The following USP44 variants were observed in gnomAD, a reference collection of about 807,000 sequenced individuals.
The protein encoded by USP44 is ubiquitin specific peptidase 44, also known as ubiquitin carboxyl-terminal hydrolase 44.
A neutral mutation model predicts 69.0 loss-of-function variants in USP44; 61 were observed. That is an observed-to-expected ratio of 0.88 (90% confidence interval 0.72 to 1.09). The LOEUF (loss-of-function observed/expected upper bound fraction) is 1.09, where lower values mean the gene tolerates loss of function less well. Among genes scored for constraint, USP44 ranks in the 50% least tolerant of loss-of-function variants. The pLI, the probability that USP44 is intolerant of heterozygous loss-of-function variation, is 0.00. For synonymous variants in USP44, 297 were observed against 295.4 expected, an observed-to-expected ratio of 1.01 and a Z score of -0.06; for missense variants, 753 against 849.9, an observed-to-expected ratio of 0.89 and a Z score of 1.42.
chr12:95,542,277 C>T (rs1420490605), intron 1 of USP44, among the ~76,000 whole-genome samples: 4 of 152,180 alleles, frequency 2.6e-5, no homozygotes, highest in Non-Finnish European at 4.4e-5. Flanking sequence ...CCTTACTTTG[C>T]CACCTAACTG....
intron 1 of USP44, among the ~76,000 whole-genome samples, chr12:95,538,266 G>C: frequency 6.6e-6 from 1 of 152,160 alleles, no homozygotes; most frequent in Non-Finnish European, 1.5e-5. Context: ...TAAAGTAACA[G>C]TGGTAATAAT....
At chr12:95,519,432 ATTTTTTTTTTTT>A (rs60940181) in intron 5 of USP44, among the ~76,000 whole-genome samples, 2 of 84,544 alleles carry the variant, frequency 2.4e-5, no homozygotes, top group East Asian at 3.5e-4. Context: ...CTCAATCTGT[ATTTTTTTTTTTT>A]TTTTTTTTTT....
At chr12:95,529,766 T>C (rs2076962438) in intron 2 of USP44, among the ~76,000 whole-genome samples, 1 of 152,124 alleles carries the variant, frequency 6.6e-6, no homozygotes, top group Non-Finnish European at 1.5e-5. Context: ...CCAAATCCTA[T>C]AACCTCTTAA....
chr12:95,518,260 CGTT>C lies in USP44; in HGVS notation c.2030_2032del (p.Gln677del), dbSNP rs1353173870. 1.2e-6 allele frequency: 2 copies of C among 1,614,094 alleles called. No homozygotes were observed. The highest frequency in any genetic ancestry group is 1.3e-5 in the African/African-American group (1 of 75,020). ...TTTAGAATGTCCATTCTCAGTAACT[CGTT>C]GGGTATAAAACAAGATATAAGCTTG... On this transcript the variant is annotated inframe_deletion, in exon 6 of 6. Coordinates refer to ENST00000258499, the MANE Select transcript of USP44 (RefSeq NM_032147.5).
In USP44 at chr12:95,524,695, T is replaced by C. The variant is rs2076778556; in HGVS notation, c.1718A>G (p.His573Arg). 2 of 1,611,396 alleles carry C rather than the reference T, an allele frequency of 1.2e-6. No homozygotes were observed. The highest frequency in any genetic ancestry group is 2.2e-5 in the East Asian group (1 of 44,716). Residue 573 changes from histidine (H) to arginine (R), a missense_variant, in exon 4 of 6, where the codon CAC (histidine) becomes CGC (arginine). By Grantham distance (29) the His-to-Arg change is conservative. Coordinates refer to ENST00000258499, the MANE Select transcript of USP44 (RefSeq NM_032147.5). ...TACTACAGACCTGAATCGTTTGAGGTGCAGTCTGAGAACCTGAGGTAGGTG... is the reference window on the plus strand; with the variant it reads ...TACTACAGACCTGAATCGTTTGAGGCGCAGTCTGAGAACCTGAGGTAGGTG... ...ICHLPQVLRL[H>R]LKRFRWSGRN... is the part of the protein sequence containing the mutation.
At chr12:95,543,100 G>A (rs559565426) in intron 1 of USP44, among the ~76,000 whole-genome samples, 11,452 of 82,534 alleles carry the variant, frequency 0.14, 1,216 homozygotes, top group African/African-American at 0.35. Flanking sequence ...AAAAAAAAAA[G>A]AAAGAAAATA....
At chr12:95,547,125 T>C (rs2077597672) in intron 1 of USP44, 1 of 152,224 alleles carries the variant, frequency 6.6e-6, no homozygotes, top group Non-Finnish European at 1.5e-5. Context: ...GGTTCATTTA[T>C]CACTTAAAAA....
rs1344940401 is a variant in USP44 at position 95,534,280 on chromosome 12, C to T, written c.-24G>A. On this transcript the variant is annotated 5_prime_UTR_variant, in exon 2 of 6. The change abolishes an upstream ATG in the 5' untranslated region. Transcript: ENST00000258499. ...ATTTATTTAGTCTAGCTGAGAAATG[C>T]ATAATCCAAACAAGTCTCTGTTCAC... 1.3e-6 allele frequency: 2 copies of T among 1,583,166 alleles called. No homozygotes were observed. The highest frequency in any genetic ancestry group is 1.7e-6 in the Non-Finnish European group (2 of 1,160,916).
In USP44 at chr12:95,532,848, T is replaced by G. The variant is rs2077064571; in HGVS notation, c.1409A>C (p.His470Pro). Reference sequence around the variant, plus strand: ...CCATACCTGACTAAGAAGTTGTCCATGAAAAATGTTATTTACAACATTCAG... The same window carrying G: ...CCATACCTGACTAAGAAGTTGTCCAGGAAAAATGTTATTTACAACATTCAG... ...QVLNVVNNIF[H>P]GQLLSQVTCL... Residue 470 changes from histidine (H) to proline (P), a missense_variant, in exon 2 of 6, where the codon CAT becomes CCT. By Grantham distance (77) the His-to-Pro change is moderately conservative. Coordinates refer to ENST00000258499, the MANE Select transcript of USP44 (RefSeq NM_032147.5). 6.3e-7 allele frequency: 1 copy of G among 1,584,728 alleles called. No individual in the cohort carries two copies. Among genetic ancestry groups the G allele is most frequent in the East Asian group, 2.2e-5 (1 of 44,626 alleles).
rs773972186 is a variant in USP44 at position 95,534,120 on chromosome 12, T to A, written c.137A>T (p.His46Leu). 1 of 1,614,174 alleles carries A rather than the reference T, an allele frequency of 6.2e-7. No homozygotes were observed. The highest frequency in any genetic ancestry group is 1.1e-5 in the South Asian group (1 of 91,088). The change falls in exon 2 of 6, where the codon CAT becomes CTT. Residue 46 changes from histidine (H) to leucine (L), a missense_variant. Physicochemically the swap from His to Leu is moderately conservative, Grantham distance 99. Transcript: ENST00000258499. ...ESIWACLSCS[H>L]VACGRYIEEH... ...TTCAATATATCTTCCACAGGCAACA[T>A]GGGAGCAGCTAAGGCAAGCCCAAAT...
chr12:95,527,309 G>A lies in USP44; in HGVS notation c.1624+1498C>T, dbSNP rs1246822450. Among the ~76,000 whole-genome samples the A allele has an allele frequency of 5.3e-5, 8 of 151,854 alleles. No individual in the cohort carries two copies. The East Asian group carries it at 1.4e-3, about 26-fold the overall frequency. The stretch of plus-strand genomic sequence containing the variant: ...GGGGTTTCACCATGTTGGCCAGGCT[G>A]GTCTCGAACTCCTGACCTCAGGTGA... On this transcript the variant is annotated intron_variant, in intron 3 of 5. Transcript: ENST00000258499.
chr12:95,543,247 A>G (rs964834147), intron 1 of USP44, among the ~76,000 whole-genome samples: 1 of 151,236 alleles, frequency 6.6e-6, no homozygotes, highest in Admixed American at 6.6e-5. Flanking sequence ...CTAAAAATAC[A>G]AAAATTAGCC....
chr12:95,542,147 C>T (rs1459639390), intron 1 of USP44, among the ~76,000 whole-genome samples: 1 of 152,154 alleles, frequency 6.6e-6, no homozygotes, highest in Non-Finnish European at 1.5e-5. Flanking sequence ...TTCCAAAATG[C>T]TGGGATTATA....
rs34987131 is a variant in USP44 at position 95,533,549 on chromosome 12, C to T, written c.708G>A (p.Thr236=). The T allele has an allele frequency of 0.011, 17,293 of 1,613,566 alleles. 165 individuals carry two copies. Among genetic ancestry groups the T allele is most frequent in the Non-Finnish European group, 0.012 (13,631 of 1,179,794 alleles). Residue 236 remains threonine, a synonymous_variant, in exon 2 of 6, where the codon ACG becomes ACA. Coordinates refer to ENST00000258499, the MANE Select transcript of USP44 (RefSeq NM_032147.5). ...EIVSVQVPAQ[T]PASPAKDKVL... The stretch of plus-strand genomic sequence containing the variant: ...CTTTATCTTTTGCTGGTGATGCTGG[C>T]GTTTGTGCTGGCACCTGAACAGAAA...
intron 5 of USP44, among the ~76,000 whole-genome samples, chr12:95,520,007 CAAAAAAAAAAAAAA>C (rs56348745): frequency 2.0e-4 from 7 of 34,530 alleles, no homozygotes; most frequent in East Asian, 9.4e-4. Flanking sequence ...GACTCTGTCT[CAAAAAAAAAAAAAA>C]AAAAAAAAAA....
chr12:95,543,701 T>C (rs2077470116), intron 1 of USP44, among the ~76,000 whole-genome samples: 1 of 151,810 alleles, frequency 6.6e-6, no homozygotes, highest in African/African-American at 2.4e-5. Flanking sequence ...GCGCGGTGGC[T>C]CACGCCTGTA....
intron 1 of USP44, among the ~76,000 whole-genome samples, chr12:95,545,377 T>G (rs2077536954): frequency 6.6e-6 from 1 of 151,976 alleles, no homozygotes; most frequent in African/African-American, 2.4e-5. Flanking sequence ...TAACAAAACA[T>G]TTTTCTTTAA....
intron 1 of USP44, among the ~76,000 whole-genome samples, chr12:95,543,562 T>G (rs1013943768): frequency 3.3e-5 from 5 of 151,968 alleles, no homozygotes; most frequent in Admixed American, 6.6e-5. Context: ...TCTAGTCAAA[T>G]AATTTAAAAA....
At position 95,521,178 on chromosome 12, in the gene USP44, C is replaced by G; in HGVS notation, c.1758G>C (p.Glu586Asp). 1 of 1,614,152 alleles carries G rather than the reference C, an allele frequency of 6.2e-7. No homozygotes were observed. Among genetic ancestry groups the G allele is most frequent in the South Asian group, 1.1e-5 (1 of 91,064 alleles). The part of the protein sequence containing the change: ...RFRWSGRNNR[E>D]KIGVHVGFEE... ...CAAAGCCAACATGAACACCAATCTT[C>G]TCTCGGTTATTACGTCCTGACCACC... The change falls in exon 5 of 6, where the codon GAG becomes GAC. Residue 586 changes from glutamate (E) to aspartate (D), a missense_variant. By Grantham distance (45) the Glu-to-Asp change is conservative (BLOSUM62 2). Coordinates refer to ENST00000258499, the MANE Select transcript of USP44 (RefSeq NM_032147.5).
Sources: gnomAD v4.1 joint callset for allele counts (sites outside exome capture counted in the v4.1 genomes callset) on GRCh38, gnomAD v4.1.1 for gene constraint, MANE v1.5 for transcripts, NCBI Gene and HGNC (gene_info 2026-07-23, HGNC 2026-07-21) for gene names.